The following KCNN2 variants were observed in gnomAD, a reference collection of about 807,000 sequenced individuals.
KCNN2 encodes the protein small conductance calcium-activated potassium channel protein 2.
Under a neutral mutation model 55.5 loss-of-function variants are expected in KCNN2, and 24 were observed. The ratio of observed to expected loss-of-function variants is 0.43; its 90% CI spans 0.31 to 0.61. The LOEUF (loss-of-function observed/expected upper bound fraction) is 0.61. KCNN2 is among the 20% of genes least tolerant of loss of function. The pLI is 0.08. For missense variants in KCNN2, 754 were observed against 853.6 expected (o/e 0.88, Z 1.45); for synonymous variants, 431 against 336.1 (o/e 1.28, Z -3.09).
intron 2 of KCNN2, among the ~76,000 whole-genome samples, chr5:114,389,552 A>G (rs1229706430): frequency 6.6e-6 from 1 of 152,192 alleles, no homozygotes; most frequent in South Asian, 2.1e-4. Flanking sequence ...ACAACAGGCT[A>G]GAACAGTACC....
chr5:114,148,754 G>A (rs1345589303), intron 1 of KCNN2, among the ~76,000 whole-genome samples: 2 of 152,120 alleles, frequency 1.3e-5, no homozygotes. Context: ...AGGAGGTGGA[G>A]GGAGGGGATC....
intron 3 of KCNN2, among the ~76,000 whole-genome samples, chr5:114,408,199 A>C (rs1343011009): frequency 7.0e-6 from 1 of 143,342 alleles, no homozygotes. Context: ...CTGGCTTTCT[A>C]GCTTTTTTTT....
At chr5:114,451,958 A>G (rs1760713092) in intron 3 of KCNN2, among the ~76,000 whole-genome samples, 1 of 151,446 alleles carries the variant, frequency 6.6e-6, no homozygotes, top group South Asian at 2.1e-4. Context: ...CTTTAGATGT[A>G]GCAGCATTAT....
chr5:114,241,065 A>G (rs1754608359), intron 2 of KCNN2, among the ~76,000 whole-genome samples: 1 of 152,002 alleles, frequency 6.6e-6, no homozygotes, highest in Non-Finnish European at 1.5e-5. Flanking sequence ...ATGTGTCTAT[A>G]TGTATCCTGA....
intron 1 of KCNN2, among the ~76,000 whole-genome samples, chr5:114,118,158 A>G (rs541082273): frequency 1.3e-5 from 2 of 152,324 alleles, no homozygotes; most frequent in South Asian, 4.1e-4. Context: ...TCCCTAGCTT[A>G]GTGAAAAGGC....
At chr5:114,270,219 C>T (rs1210898753) in intron 2 of KCNN2, among the ~76,000 whole-genome samples, 1 of 152,158 alleles carries the variant, frequency 6.6e-6, no homozygotes, top group Non-Finnish European at 1.5e-5. Flanking sequence ...GGCGCTTTTA[C>T]TCTCTAATAA....
intron 3 of KCNN2, among the ~76,000 whole-genome samples, chr5:114,462,604 A>AC (rs925751940): frequency 1.1e-4 from 17 of 152,168 alleles, no homozygotes; most frequent in Admixed American, 9.2e-4. Flanking sequence ...GTGTTAGCCC[A>AC]TCGTCAGGAA....
At chr5:114,435,429 A>G (rs758507063) in intron 3 of KCNN2, among the ~76,000 whole-genome samples, 3 of 152,146 alleles carry the variant, frequency 2.0e-5, no homozygotes, top group African/African-American at 2.4e-5. Flanking sequence ...GAGGATAGGA[A>G]CGATGAGTCT....
chr5:114,125,239 C>T (rs149377809), intron 1 of KCNN2, among the ~76,000 whole-genome samples: 33 of 152,254 alleles, frequency 2.2e-4, no homozygotes, highest in African/African-American at 7.7e-4. Context: ...ATAAAAACTC[C>T]AGTGTTTACC....
chr5:114,480,475 C>T (rs1762176764), intron 5 of KCNN2, among the ~76,000 whole-genome samples: 1 of 152,032 alleles, frequency 6.6e-6, no homozygotes, highest in Admixed American at 6.6e-5. Flanking sequence ...CCCAAAAAAT[C>T]ACAAAGGAGG....
chr5:114,189,133 A>AGTGTGTGTGTGTGTGT (rs34640722), intron 1 of KCNN2, among the ~76,000 whole-genome samples: 3 of 149,896 alleles, frequency 2.0e-5, no homozygotes, highest in East Asian at 2.0e-4. Flanking sequence ...TAGAACCAAT[A>AGTGTGTGTGTGTGTGT]GTGTGTGTGT....
At chr5:114,381,878 A>T (rs187932703) in intron 2 of KCNN2, among the ~76,000 whole-genome samples, 91 of 152,278 alleles carry the variant, frequency 6.0e-4, no homozygotes, top group Non-Finnish European at 1.1e-3. Context: ...GTGGGACTGA[A>T]CTAGGAGAGG....
chr5:114,316,651 A>G (rs1057122043), intron 2 of KCNN2, among the ~76,000 whole-genome samples: 12 of 152,228 alleles, frequency 7.9e-5, no homozygotes, highest in African/African-American at 2.9e-4. Context: ...AGCTGTTAAC[A>G]TGGTCCCCAA....
intron 4 of KCNN2, among the ~76,000 whole-genome samples, chr5:114,467,994 C>A (rs1320815567): frequency 2.0e-5 from 3 of 152,094 alleles, no homozygotes; most frequent in Admixed American, 1.3e-4. Context: ...CCTGAACAAG[C>A]AAATCACTAT....
intron 2 of KCNN2, among the ~76,000 whole-genome samples, chr5:114,225,485 C>G (rs1056716114): frequency 6.6e-6 from 1 of 152,262 alleles, no homozygotes; most frequent in South Asian, 2.1e-4. Flanking sequence ...ACACCAATTA[C>G]AAGTCACCAG....
At chr5:114,140,995 G>A (rs956723423) in intron 1 of KCNN2, among the ~76,000 whole-genome samples, 7 of 151,680 alleles carry the variant, frequency 4.6e-5, no homozygotes, top group African/African-American at 1.7e-4. Context: ...CACCATTTTG[G>A]TCAGGCTGGT....
rs2150145667 is a variant in KCNN2 at position 114,496,122 on chromosome 5, C to G, written c.2316C>G (p.Ser772=). 2 of 1,613,992 alleles carry G rather than the reference C, an allele frequency of 1.2e-6. No individual in the cohort carries two copies. Among genetic ancestry groups the G allele is most frequent in the Non-Finnish European group, 8.5e-7 (1 of 1,179,946 alleles). The change falls in exon 8 of 8, where the codon TCC becomes TCG. Residue 772 remains serine (S), a synonymous_variant. Transcript: ENST00000673685. The part of the protein sequence containing the change: ...HVTYNAERSR[S]SSRRRRSSST... ...CTTACAATGCTGAGCGGTCCCGGTC[C>G]TCGTCCAGGAGGCGGCGGTCCTCTT... is the stretch of plus-strand genomic sequence containing the variant.
chr5:114,184,520 T>G (rs1172924709), intron 1 of KCNN2, among the ~76,000 whole-genome samples: 1 of 152,222 alleles, frequency 6.6e-6, no homozygotes, highest in African/African-American at 2.4e-5. Flanking sequence ...ATGCTTATTA[T>G]GAGTTATACT....
At chr5:114,352,405 T>G (rs986965128) in intron 2 of KCNN2, among the ~76,000 whole-genome samples, 18 of 149,918 alleles carry the variant, frequency 1.2e-4, no homozygotes, top group African/African-American at 4.4e-4. Flanking sequence ...ATATGTTCTG[T>G]TTTTTATTGC....
Sources: gnomAD v4.1 joint callset for allele counts (sites outside exome capture counted in the v4.1 genomes callset) on GRCh38, gnomAD v4.1.1 for gene constraint, MANE v1.5 for transcripts, NCBI Gene and HGNC (gene_info 2026-07-23, HGNC 2026-07-21) for gene names.